Variants in TMEM132D observed in about 807,000 individuals in gnomAD.
TMEM132D encodes transmembrane protein 132D.
Under a neutral mutation model 62.3 loss-of-function variants are expected in TMEM132D, and 21 were observed. The ratio of observed to expected loss-of-function variants is 0.34; its 90% CI spans 0.24 to 0.49. The LOEUF (loss-of-function observed/expected upper bound fraction) is 0.49, where lower values mean the gene tolerates loss of function less well. Among genes scored for constraint, TMEM132D ranks in the 20% least tolerant of loss-of-function variants. TMEM132D has a pLI of 0.99. For synonymous variants in TMEM132D, 621 were observed against 575.6 expected (o/e 1.08, Z -1.13); for missense variants, 1,346 against 1,402.8 (o/e 0.96, Z 0.65).
chr12:129,340,348 T>C (rs772599495), intron 3 of TMEM132D, among the ~76,000 whole-genome samples: 2 of 152,204 alleles, frequency 1.3e-5, no homozygotes, highest in Non-Finnish European at 2.9e-5. Flanking sequence ...AGGGTACATG[T>C]GCACAATGTA....
chr12:129,883,766 A>G (rs1874674602), intron 1 of TMEM132D, among the ~76,000 whole-genome samples: 1 of 152,224 alleles, frequency 6.6e-6, no homozygotes, highest in Non-Finnish European at 1.5e-5. Flanking sequence ...CAACCTTGAC[A>G]AAAATGTAAA....
At chr12:129,421,832 C>T (rs190795577) in intron 3 of TMEM132D, among the ~76,000 whole-genome samples, 18 of 152,224 alleles carry the variant, frequency 1.2e-4, no homozygotes, top group Admixed American at 2.6e-4. Context: ...TAGACTCATA[C>T]AGGAATGGAA....
At chr12:129,141,909 G>A (rs1281604373) in intron 5 of TMEM132D, among the ~76,000 whole-genome samples, 1 of 150,370 alleles carries the variant, frequency 6.7e-6, no homozygotes, top group East Asian at 1.9e-4. Flanking sequence ...TGTACCCCCG[G>A]AATCTATAAT....
At chr12:129,565,423 G>A (rs561726160) in intron 2 of TMEM132D, among the ~76,000 whole-genome samples, 2 of 152,368 alleles carry the variant, frequency 1.3e-5, no homozygotes, top group South Asian at 2.1e-4. Context: ...GCTACAAAGA[G>A]TCTGTTGGTC....
At chr12:129,129,194 A>T (rs1004750721) in intron 5 of TMEM132D, among the ~76,000 whole-genome samples, 8 of 151,910 alleles carry the variant, frequency 5.3e-5, no homozygotes, top group Non-Finnish European at 1.2e-4. Flanking sequence ...CTTTAATTCC[A>T]TGAGTACCCA....
chr12:129,493,001 A>T lies in TMEM132D; in HGVS notation c.1115+38058T>A, dbSNP rs150584799. Among the ~76,000 whole-genome samples the T allele has an allele frequency of 1.8e-3, 271 of 152,194 alleles. 2 individuals carry two copies. Among genetic ancestry groups the T allele is most frequent in the African/African-American group, 6.0e-3 (251 of 41,536 alleles). ...CCCGCGGAACCTCCTGAGAATAATT[A>T]AGCTGACAGGAGGAATTCTCAGCTC... On this transcript the variant is annotated intron_variant, in intron 3 of 8. Transcript: ENST00000422113.
intron 2 of TMEM132D, among the ~76,000 whole-genome samples, chr12:129,571,529 T>C (rs1158975666): frequency 6.6e-6 from 1 of 151,876 alleles, no homozygotes; most frequent in Admixed American, 6.6e-5. Flanking sequence ...CTGAGACCAC[T>C]GCCAATGCAC....
chr12:129,510,477 T>C (rs1875465711), intron 3 of TMEM132D, among the ~76,000 whole-genome samples: 1 of 152,160 alleles, frequency 6.6e-6, no homozygotes, highest in Non-Finnish European at 1.5e-5. Context: ...GATGTGATCC[T>C]ATCTGTCCGT....
chr12:129,808,829 AC>A (rs1256345081), intron 1 of TMEM132D, among the ~76,000 whole-genome samples: 4 of 145,310 alleles, frequency 2.8e-5, no homozygotes, highest in Non-Finnish European at 6.0e-5. Flanking sequence ...TTTTTTTTTT[AC>A]AAAGAACACA....
At chr12:129,291,768 G>A (rs80073786) in intron 4 of TMEM132D, among the ~76,000 whole-genome samples, 2,709 of 152,214 alleles carry the variant, frequency 0.018, 93 homozygotes, top group African/African-American at 0.063. Context: ...AACTCTAGGG[G>A]AAAAGGGGTT....
At chr12:129,701,162 C>T (rs1348007459) in intron 1 of TMEM132D, among the ~76,000 whole-genome samples, 1 of 152,166 alleles carries the variant, frequency 6.6e-6, no homozygotes, top group African/African-American at 2.4e-5. Flanking sequence ...TGGATTGATG[C>T]CACGTCCACA....
chr12:129,749,977 G>A (rs1869945558), intron 1 of TMEM132D, among the ~76,000 whole-genome samples: 1 of 152,180 alleles, frequency 6.6e-6, no homozygotes, highest in Non-Finnish European at 1.5e-5. Context: ...AATGTTGAAG[G>A]GAGTGGGAGA....
At chr12:129,487,653 T>C (rs1227993946) in intron 3 of TMEM132D, among the ~76,000 whole-genome samples, 6 of 151,892 alleles carry the variant, frequency 4.0e-5, no homozygotes, top group African/African-American at 1.5e-4. Context: ...GTCATGAGGG[T>C]TCTGCCCTCA....
intron 2 of TMEM132D, among the ~76,000 whole-genome samples, chr12:129,667,907 G>A (rs1025675904): frequency 2.0e-5 from 3 of 151,708 alleles, no homozygotes; most frequent in African/African-American, 7.3e-5. Context: ...TTAACAGACT[G>A]TGTACCACAG....
chr12:129,642,142 C>T (rs1373167586), intron 2 of TMEM132D, among the ~76,000 whole-genome samples: 1 of 152,142 alleles, frequency 6.6e-6, no homozygotes, highest in South Asian at 2.1e-4. Context: ...CGGAAGGGGC[C>T]TCTGCTGTCA....
intron 2 of TMEM132D, among the ~76,000 whole-genome samples, chr12:129,646,607 C>G (rs530560218): frequency 6.6e-6 from 1 of 152,252 alleles, no homozygotes; most frequent in South Asian, 2.1e-4. Context: ...TGGACTCTCT[C>G]TCTCCACTGA....
intron 3 of TMEM132D, among the ~76,000 whole-genome samples, chr12:129,516,437 G>A (rs918178258): frequency 1.3e-5 from 2 of 152,202 alleles, no homozygotes; most frequent in South Asian, 4.1e-4. Context: ...CGTGGCTGGG[G>A]AGGCCTCACA....
At chr12:129,498,588 C>A (rs939356719) in intron 3 of TMEM132D, among the ~76,000 whole-genome samples, 8 of 152,184 alleles carry the variant, frequency 5.3e-5, no homozygotes, top group Admixed American at 5.2e-4. Flanking sequence ...TAATTTCCAA[C>A]ATCTTTTTCC....
intron 1 of TMEM132D, among the ~76,000 whole-genome samples, chr12:129,727,895 C>T (rs1335458811): frequency 1.3e-5 from 2 of 152,154 alleles, no homozygotes; most frequent in African/African-American, 2.4e-5. Context: ...ATTAACATTG[C>T]AGACAGCTAA....
Sources: allele counts gnomAD v4.1 joint callset (sites outside exome capture counted in the v4.1 genomes callset), GRCh38; gene constraint gnomAD v4.1.1; transcripts MANE v1.5; gene names NCBI Gene and HGNC (gene_info 2026-07-23, HGNC 2026-07-21).